NRXN1: variants seen among roughly 807,000 people sequenced by gnomAD.
NRXN1 encodes the protein neurexin-1.
In NRXN1, 39 loss-of-function variants were observed where a neutral mutation model predicts 150.9. That is an observed-to-expected ratio of 0.26 (90% CI 0.20 to 0.34). The LOEUF is 0.34. Among genes scored for constraint, NRXN1 ranks in the 10% least tolerant of loss-of-function variants. The pLI, the probability that NRXN1 is intolerant of heterozygous loss-of-function variation, is 1.00. For synonymous variants in NRXN1, 924 were observed against 757.0 expected (o/e 1.22, Z -3.62); for missense variants, 1,815 against 1,949.9 (o/e 0.93, Z 1.30).
chr2:50,594,459 A>G (rs1330974645), intron 8 of NRXN1, among the ~76,000 whole-genome samples: 1 of 152,160 alleles, frequency 6.6e-6, no homozygotes, highest in Non-Finnish European at 1.5e-5. Context: ...AGTATGGGTG[A>G]GTCATAGAGG....
chr2:50,529,605 T>A (rs950295852), intron 11 of NRXN1, among the ~76,000 whole-genome samples: 1 of 152,228 alleles, frequency 6.6e-6, no homozygotes, highest in South Asian at 2.1e-4. Context: ...TCTGTTTCCA[T>A]ATAGCTGAGT....
chr2:50,452,274 C>T (rs1335720130), intron 17 of NRXN1, among the ~76,000 whole-genome samples: 5 of 152,066 alleles, frequency 3.3e-5, no homozygotes, highest in Admixed American at 1.3e-4. Flanking sequence ...GCTTAAGATT[C>T]GTGTACTGTG....
intron 21 of NRXN1, among the ~76,000 whole-genome samples, chr2:49,964,235 TTC>T (rs775753052): frequency 5.9e-5 from 9 of 152,214 alleles, no homozygotes; most frequent in Non-Finnish European, 1.3e-4. Context: ...GGTAAATAGT[TTC>T]TGTTTAGATT....
intron 5 of NRXN1, among the ~76,000 whole-genome samples, chr2:50,851,473 A>AT (rs1227920381): frequency 1.3e-5 from 2 of 152,040 alleles, no homozygotes; most frequent in African/African-American, 4.8e-5. Context: ...TCTTGCTGCA[A>AT]TGGCCTCCTC....
intron 17 of NRXN1, among the ~76,000 whole-genome samples, chr2:50,291,450 GC>G (rs1338682938): frequency 6.6e-6 from 1 of 152,106 alleles, no homozygotes; most frequent in Non-Finnish European, 1.5e-5. Context: ...GCGATACTTT[GC>G]CAGGCTGAGA....
chr2:50,980,965 T>A (rs1159718455), intron 2 of NRXN1, among the ~76,000 whole-genome samples: 1 of 152,094 alleles, frequency 6.6e-6, no homozygotes, highest in Admixed American at 6.6e-5. Context: ...TAAACACTTG[T>A]TAGTTCTTCT....
At chr2:50,823,085 G>A (rs1318688832) in intron 5 of NRXN1, among the ~76,000 whole-genome samples, 1 of 152,176 alleles carries the variant, frequency 6.6e-6, no homozygotes, top group East Asian at 1.9e-4. Context: ...GCACCATTAC[G>A]ATTCCAGGAA....
At chr2:50,971,838 T>G (rs1358335821) in intron 2 of NRXN1, among the ~76,000 whole-genome samples, 1 of 152,140 alleles carries the variant, frequency 6.6e-6, no homozygotes, top group Admixed American at 6.6e-5. Context: ...TTTACGCATT[T>G]ACAGGACAAT....
At chr2:50,803,932 C>A (rs574693585) in intron 5 of NRXN1, among the ~76,000 whole-genome samples, 1 of 152,082 alleles carries the variant, frequency 6.6e-6, no homozygotes, top group East Asian at 1.9e-4. Context: ...TATGAATATA[C>A]CTGTATCACT....
intron 21 of NRXN1, among the ~76,000 whole-genome samples, chr2:50,043,443 T>C (rs1444164722): frequency 2.0e-5 from 3 of 152,210 alleles, no homozygotes; most frequent in Non-Finnish European, 4.4e-5. Context: ...GACTTGGTAA[T>C]GTCACCACAG....
chr2:50,508,974 T>G (rs2092349853), intron 12 of NRXN1, among the ~76,000 whole-genome samples: 1 of 152,220 alleles, frequency 6.6e-6, no homozygotes, highest in South Asian at 2.1e-4. Flanking sequence ...TTGCAGTTGC[T>G]AGATCATGAT....
At chr2:50,681,243 T>C (rs761376401) in intron 5 of NRXN1, among the ~76,000 whole-genome samples, 2 of 152,190 alleles carry the variant, frequency 1.3e-5, no homozygotes, top group South Asian at 4.1e-4. Context: ...GCAAAAACTG[T>C]GTTGTTCTCA....
At chr2:50,202,029 G>A (rs2062205412) in intron 18 of NRXN1, among the ~76,000 whole-genome samples, 1 of 152,084 alleles carries the variant, frequency 6.6e-6, no homozygotes, top group African/African-American at 2.4e-5. Context: ...AAGACATTAT[G>A]CCTTCTGTCT....
At chr2:50,298,554 A>G (rs898487509) in intron 17 of NRXN1, among the ~76,000 whole-genome samples, 1 of 151,934 alleles carries the variant, frequency 6.6e-6, no homozygotes, top group African/African-American at 2.4e-5. Flanking sequence ...AACAAGCAAA[A>G]TCACCAACTT....
At chr2:50,850,100 T>A (rs573453475) in intron 5 of NRXN1, among the ~76,000 whole-genome samples, 30 of 152,066 alleles carry the variant, frequency 2.0e-4, no homozygotes, top group African/African-American at 7.0e-4. Context: ...TATATGCACC[T>A]GTGGTCCCAG....
intron 5 of NRXN1, among the ~76,000 whole-genome samples, chr2:50,710,673 A>G (rs1695031363): frequency 6.6e-6 from 1 of 152,202 alleles, no homozygotes; most frequent in Non-Finnish European, 1.5e-5. Context: ...AATGAACTCG[A>G]CATTTAGCTT....
At chr2:49,980,400 A>C (rs954942367) in intron 21 of NRXN1, among the ~76,000 whole-genome samples, 1 of 152,248 alleles carries the variant, frequency 6.6e-6, no homozygotes, top group South Asian at 2.1e-4. Flanking sequence ...GGGAAAAGCC[A>C]TATCAACAAG....
At chr2:50,231,104 A>G (rs1312402834) in intron 18 of NRXN1, among the ~76,000 whole-genome samples, 2 of 152,080 alleles carry the variant, frequency 1.3e-5, no homozygotes, top group African/African-American at 2.4e-5. Flanking sequence ...AAAACCAAGC[A>G]ATATATATAC....
At chr2:50,252,232 C>G (rs1376076342) in intron 17 of NRXN1, among the ~76,000 whole-genome samples, 1 of 11,862 alleles carries the variant, frequency 8.4e-5, no homozygotes. Flanking sequence ...TACATTTTGT[C>G]CTTTTTTTTT....
Sources: allele counts gnomAD v4.1 joint callset (sites outside exome capture counted in the v4.1 genomes callset), GRCh38; gene constraint gnomAD v4.1.1; transcripts MANE v1.5; gene names NCBI Gene and HGNC (gene_info 2026-07-23, HGNC 2026-07-21).